The following GRAMD1B variants were observed in gnomAD, a reference collection of about 807,000 sequenced individuals.
The protein encoded by GRAMD1B is protein Aster-B.
GRAMD1B carries 37 observed loss-of-function variants against 99.7 expected under a neutral mutation model. The observed-to-expected ratio is 0.37, with a 90% CI of 0.29 to 0.49. The LOEUF (loss-of-function observed/expected upper bound fraction) is 0.49, where lower values mean the gene tolerates loss of function less well. Among genes scored for constraint, GRAMD1B ranks in the 20% least tolerant of loss-of-function variants. The pLI is 0.98. For missense variants in GRAMD1B, 888 were observed against 1,009.2 expected (o/e 0.88, Z 1.63); for synonymous variants, 427 against 387.6 (o/e 1.10, Z -1.19).
chr11:123,614,909 C>T, intron 17 of GRAMD1B, 74 bp downstream of exon 17: 1 of 800,810 alleles, frequency 1.2e-6, no homozygotes, highest in East Asian at 2.7e-5. Flanking sequence ...GCCCTCGTCT[C>T]TTGAAGCATC....
chr11:123,545,244 CT>C (rs760201506), intron 2 of GRAMD1B, among the ~76,000 whole-genome samples: 19 of 152,246 alleles, frequency 1.2e-4, no homozygotes, highest in African/African-American at 3.4e-4. Flanking sequence ...TGCAGGCACC[CT>C]TTCTCCAGTG....
chr11:123,442,252 C>CT (rs1019941795), intron 1 of GRAMD1B, among the ~76,000 whole-genome samples: 127 of 152,260 alleles, frequency 8.3e-4, no homozygotes, highest in African/African-American at 3.0e-3. Context: ...TGTACTTTTT[C>CT]TTTTTTTATT....
Position 123,591,199 on chromosome 11 carries a change from A to G in GRAMD1B, c.685-2883A>G. 2 of 384,216 alleles carry G rather than the reference A, an allele frequency of 5.2e-6. No individual in the cohort carries two copies. Among genetic ancestry groups the G allele is most frequent in the Non-Finnish European group, 4.6e-6 (1 of 217,288 alleles). 23.8% of individuals were successfully genotyped at this position (384,216 alleles called of 1,614,324 possible). A position where few individuals can be genotyped will look rare whatever the true frequency, so the allele number is the denominator to read the frequency against. ...CGCTGACCACCTCGGCTCACTTGTG[A>G]AGCTTCATGCTGGGCATGCAGCTCT... On this transcript the variant is annotated intron_variant, in intron 4 of 19. Coordinates refer to ENST00000635736, the MANE Select transcript of GRAMD1B (RefSeq NM_001387025.1). This position sits in a 1 kb window ranked among gnomAD's most constrained non-coding sequence, Gnocchi z 4.7.
upstream of GRAMD1B, among the ~76,000 whole-genome samples, chr11:123,428,419 C>T (rs138091037): frequency 1.0e-3 from 154 of 152,308 alleles, no homozygotes; most frequent in African/African-American, 3.4e-3. Flanking sequence ...TAGAGTGAAA[C>T]CAAATCACTC....
chr11:123,440,603 A>T (rs781600686), intron 1 of GRAMD1B, among the ~76,000 whole-genome samples: 2 of 152,240 alleles, frequency 1.3e-5, no homozygotes, highest in African/African-American at 2.4e-5. Flanking sequence ...TAATTTTATC[A>T]TGTTAACTCA....
chr11:123,578,216 G>A (rs1948947751), intron 3 of GRAMD1B, among the ~76,000 whole-genome samples: 1 of 152,130 alleles, frequency 6.6e-6, no homozygotes. Flanking sequence ...GGGAGCAGGA[G>A]ATGTCTTTGC....
chr11:123,509,810 C>A (rs928784602), intron 2 of GRAMD1B: 1 of 152,318 alleles, frequency 6.6e-6, no homozygotes, highest in Non-Finnish European at 1.5e-5. Flanking sequence ...CCTGTCCCTG[C>A]TGGGCAGGAA....
At chr11:123,377,523 A>T (rs543079904) in intron 1 of GRAMD1B, among the ~76,000 whole-genome samples, 1 of 152,300 alleles carries the variant, frequency 6.6e-6, no homozygotes, top group South Asian at 2.1e-4. Flanking sequence ...GATGCACAGG[A>T]AGCCAGCGCC....
At chr11:123,366,475 T>A (rs539887392) in intron 1 of GRAMD1B, among the ~76,000 whole-genome samples, 1 of 152,382 alleles carries the variant, frequency 6.6e-6, no homozygotes, top group Admixed American at 6.5e-5. Flanking sequence ...GGGTTTTGAC[T>A]TTTCTGTCTG....
rs1200771571 is a variant in GRAMD1B at position 123,622,628 on chromosome 11, G to C, written c.*33G>C. On this transcript the variant is annotated 3_prime_UTR_variant, in exon 20 of 20. Transcript: ENST00000635736. ...GGAACAGGGTGGCTGCAAGAGGCCTGTGCAATACATGTACATAGACCATAT... is the reference window on the plus strand; with the variant it reads ...GGAACAGGGTGGCTGCAAGAGGCCTCTGCAATACATGTACATAGACCATAT... The C allele has an allele frequency of 2.2e-6, 2 of 899,246 alleles. No individual in the cohort carries two copies. The highest frequency in any genetic ancestry group is 3.3e-5 in the African/African-American group (2 of 60,398). 55.7% of individuals were successfully genotyped at this position (899,246 alleles called of 1,614,324 possible).
intron 2 of GRAMD1B, among the ~76,000 whole-genome samples, chr11:123,512,834 C>G (rs1941176691): frequency 6.6e-6 from 1 of 151,654 alleles, no homozygotes; most frequent in Non-Finnish European, 1.5e-5. Context: ...TCCACGAGCC[C>G]CCTTCATTGG....
chr11:123,509,383 G>C (rs1324280486), intron 2 of GRAMD1B, among the ~76,000 whole-genome samples: 1 of 152,224 alleles, frequency 6.6e-6, no homozygotes, highest in Non-Finnish European at 1.5e-5. Flanking sequence ...GAAAATGATA[G>C]GAGGGAGGTA....
chr11:123,451,790 G>C (rs75881735), intron 1 of GRAMD1B, among the ~76,000 whole-genome samples: 1 of 151,924 alleles, frequency 6.6e-6, no homozygotes, highest in African/African-American at 2.4e-5. Flanking sequence ...TCTCTTGAAA[G>C]ATGTAGTCTA....
intron 2 of GRAMD1B, among the ~76,000 whole-genome samples, chr11:123,523,395 T>G (rs1386741419): frequency 6.6e-6 from 1 of 152,138 alleles, no homozygotes; most frequent in Non-Finnish European, 1.5e-5. Flanking sequence ...CTGAAAATCA[T>G]GAGGTACTGC....
chr11:123,574,169 A>T (rs1453843498), intron 2 of GRAMD1B, among the ~76,000 whole-genome samples: 1 of 151,662 alleles, frequency 6.6e-6, no homozygotes. Flanking sequence ...GTCGTATGGG[A>T]GTTTGGAGGC....
At chr11:123,516,912 C>T (rs1439368591) in intron 2 of GRAMD1B, among the ~76,000 whole-genome samples, 8 of 152,240 alleles carry the variant, frequency 5.3e-5, no homozygotes, top group Admixed American at 3.9e-4. Flanking sequence ...ACATATTAGA[C>T]GCTCCATAAG....
At chr11:123,545,182 G>GGTGCCCGCATCAGTTTCT (rs1256839363) in intron 2 of GRAMD1B, among the ~76,000 whole-genome samples, 22 of 152,216 alleles carry the variant, frequency 1.4e-4, no homozygotes, top group Non-Finnish European at 2.5e-4. Context: ...ACTTCAGTGA[G>GGTGCCCGCATCAGTTTCT]GTGCCCGCAT....
At chr11:123,515,682 G>A (rs7947491) in intron 2 of GRAMD1B, among the ~76,000 whole-genome samples, 28,628 of 151,970 alleles carry the variant, frequency 0.19, 3,188 homozygotes, top group East Asian at 0.47. Context: ...CAACTAAACT[G>A]AAACATAGAA....
chr11:123,538,296 T>TTA (rs1944164507), intron 2 of GRAMD1B, among the ~76,000 whole-genome samples: 1 of 152,138 alleles, frequency 6.6e-6, no homozygotes, highest in African/African-American at 2.4e-5. Context: ...ACTACTCTGT[T>TTA]TCCTTAGACT....
Sources: gnomAD v4.1 joint callset for allele counts (sites outside exome capture counted in the v4.1 genomes callset) on GRCh38, gnomAD v4.1.1 for gene constraint, Gnocchi (gnomAD v3.1) non-coding constraint, MANE v1.5 for transcripts, NCBI Gene and HGNC (gene_info 2026-07-23, HGNC 2026-07-21) for gene names.